The following LMAN1 variants were observed in gnomAD, a reference collection of about 807,000 sequenced individuals.
The protein encoded by LMAN1 is protein ERGIC-53.
A neutral mutation model predicts 67.8 loss-of-function variants in LMAN1; 32 were observed. The observed-to-expected ratio is 0.47, with a 90% confidence interval of 0.36 to 0.63. The LOEUF is 0.63. Ranked by LOEUF, LMAN1 falls within the 30% of genes least tolerant of loss-of-function variation. The pLI is 0.00. For missense variants in LMAN1, 632 were observed against 628.2 expected (o/e 1.01, Z -0.06); for synonymous variants, 235 against 219.3 (o/e 1.07, Z -0.63).
At chr18:59,346,281 C>T (rs181234192) in intron 7 of LMAN1, among the ~76,000 whole-genome samples, 206 of 130,884 alleles carry the variant, frequency 1.6e-3, no homozygotes, top group African/African-American at 5.6e-3. Context: ...AGTGCAGTAG[C>T]GTGATCTCGG....
chr18:59,341,529 A>C (rs907106121), intron 8 of LMAN1, among the ~76,000 whole-genome samples: 2 of 152,210 alleles, frequency 1.3e-5, no homozygotes, highest in African/African-American at 4.8e-5. Flanking sequence ...ATGAATCTAG[A>C]AATCAATACT....
intron 4 of LMAN1, among the ~76,000 whole-genome samples, chr18:59,353,641 C>T (rs1908594956): frequency 6.6e-6 from 1 of 152,130 alleles, no homozygotes; most frequent in African/African-American, 2.4e-5. Context: ...AAACAGTAAA[C>T]AGGCACATGG....
intron 6 of LMAN1, 39 bp from the exon 7 acceptor site, chr18:59,347,610 A>G: frequency 1.5e-6 from 2 of 1,294,700 alleles, no homozygotes; most frequent in Non-Finnish European, 2.2e-6. Flanking sequence ...AAAGTTCCAT[A>G]GGAGATTACT....
rs772400644 is a variant in LMAN1 at position 59,359,055 on chromosome 18, C to T, written c.190G>A (p.Val64Met). 1.5e-5 allele frequency: 25 copies of T among 1,613,990 alleles called. No homozygotes were observed. Among genetic ancestry groups the T allele is most frequent in the Non-Finnish European group, 2.0e-5 (24 of 1,179,962 alleles). Residue 64 changes from valine (V) to methionine (M), a missense_variant, in exon 1 of 13, where the codon GTG (valine) becomes ATG (methionine). Coordinates refer to ENST00000251047, the MANE Select transcript of LMAN1 (RefSeq NM_005570.4). ...CTCCCCGCGTGGGCCCAGAAGGGCA[C>T]GGTCCCGTCGCTCTGCACCAGGTGC... is the stretch of plus-strand genomic sequence containing the variant. ...GPHLVQSDGT[V>M]PFWAHAGNAI...
At chr18:59,331,271 TTA>T in intron 12 of LMAN1, 142 bp from the exon 13 acceptor site, 1 of 1,056,548 alleles carries the variant, frequency 9.5e-7, no homozygotes, top group Non-Finnish European at 1.4e-6. Context: ...CACGTGCACT[TTA>T]TGTGAACTGA....
chr18:59,349,103 C>G lies in LMAN1; in HGVS notation c.763+10G>C. Reference sequence around the variant, plus strand: ...ACAAACTTTTAATATCATCAGACTGCAAGATTTACCTGCAAGACCTCCAGT... The same window carrying G: ...ACAAACTTTTAATATCATCAGACTGGAAGATTTACCTGCAAGACCTCCAGT... On this transcript the variant is annotated intron_variant, in intron 6 of 12. Coordinates refer to ENST00000251047, the MANE Select transcript of LMAN1 (RefSeq NM_005570.4). 6.2e-7 allele frequency: 1 copy of G among 1,613,984 alleles called. No homozygotes were observed. Among genetic ancestry groups the G allele is most frequent in the Non-Finnish European group, 8.5e-7 (1 of 1,179,886 alleles).
At chr18:59,358,470 TAAAA>T (rs1480917964) in intron 1 of LMAN1, among the ~76,000 whole-genome samples, 1 of 151,554 alleles carries the variant, frequency 6.6e-6, no homozygotes, top group African/African-American at 2.4e-5. Flanking sequence ...TACAAAGACT[TAAAA>T]AATTACTCTA....
intron 5 of LMAN1, among the ~76,000 whole-genome samples, chr18:59,352,291 A>G (rs2144229712): frequency 6.6e-6 from 1 of 152,274 alleles, no homozygotes; most frequent in African/African-American, 2.4e-5. Context: ...TAGCTGTCCA[A>G]TTGGCTATAT....
rs373151972 is a variant in LMAN1 at position 59,357,822 on chromosome 18, T to C, written c.214+1209A>G. ...ATAAAAACCTTATATAAAAGATTAC[T>C]TATGGGGGAGGTGGGAGGGATAGCA... On this transcript the variant is annotated intron_variant, in intron 1 of 12. Coordinates refer to ENST00000251047, the MANE Select transcript of LMAN1 (RefSeq NM_005570.4). Among the ~76,000 whole-genome samples the C allele has an allele frequency of 3.3e-5, 5 of 152,010 alleles. 1 individual carries two copies. Among genetic ancestry groups the C allele is most frequent in the African/African-American group, 1.2e-4 (5 of 41,506 alleles).
intron 5 of LMAN1, chr18:59,352,542 C>G (rs750525147): frequency 1.3e-5 from 2 of 153,934 alleles, no homozygotes; most frequent in Non-Finnish European, 2.9e-5. Flanking sequence ...CCCAGCCACA[C>G]CAAACTACAT....
chr18:59,349,365 T>C (rs1908491532), intron 5 of LMAN1, 129 bp from the exon 6 acceptor site: 1 of 856,882 alleles, frequency 1.2e-6, no homozygotes, highest in Non-Finnish European at 1.9e-6. Context: ...TAACGTTTCC[T>C]ACTTGGTGTC....
chr18:59,343,350 C>G (rs987133257), intron 8 of LMAN1, among the ~76,000 whole-genome samples: 2 of 152,010 alleles, frequency 1.3e-5, no homozygotes, highest in African/African-American at 4.8e-5. Context: ...CAAAGCAATG[C>G]TAAGCAAAAG....
chr18:59,338,723 G>A lies in LMAN1; in HGVS notation c.1149+37C>T, dbSNP rs41358147. The A allele has an allele frequency of 3.1e-6, 5 of 1,610,960 alleles. No individual in the cohort carries two copies. In the African/African-American group the frequency reaches 6.7e-5, roughly 22 times the overall value. Reference sequence around the variant, plus strand: ...CTTCTTTACTTCCCTTCCAGCAAAGGGTAAATGGGGCACATCTGCATATTC... The same window carrying A: ...CTTCTTTACTTCCCTTCCAGCAAAGAGTAAATGGGGCACATCTGCATATTC... On this transcript the variant is annotated intron_variant, in intron 9 of 12. Transcript: ENST00000251047.
chr18:59,338,522 C>A, intron 10 of LMAN1, 35 bp downstream of exon 10: 1 of 1,561,616 alleles, frequency 6.4e-7, no homozygotes, highest in South Asian at 1.1e-5. Context: ...TAAAAAAAAT[C>A]ACATAACACA....
At chr18:59,356,106 C>A (rs1052164599) in intron 1 of LMAN1, among the ~76,000 whole-genome samples, 1 of 152,172 alleles carries the variant, frequency 6.6e-6, no homozygotes, top group African/African-American at 2.4e-5. Context: ...GCAAATAATT[C>A]TCTTATTCTC....
chr18:59,335,726 G>C (rs1274832306), intron 10 of LMAN1, among the ~76,000 whole-genome samples: 1 of 152,110 alleles, frequency 6.6e-6, no homozygotes, highest in East Asian at 1.9e-4. Flanking sequence ...TCCTAAATGA[G>C]TAATATCAGC....
chr18:59,355,624 T>G lies in LMAN1; in HGVS notation c.249A>C (p.Ala83=), dbSNP rs764368056. The change falls in exon 2 of 13, where the codon GCA becomes GCC. Residue 83 remains alanine, a synonymous_variant. Transcript: ENST00000251047. ...AGCCTCTTTGGCTTTTTAAAGATGG[T>G]GCTACTCGAATTTGATCTGAACTTG... ...AIPSSDQIRV[A]PSLKSQRGSV... is the part of the protein sequence containing the mutation. 6.2e-7 allele frequency: 1 copy of G among 1,614,058 alleles called. No individual in the cohort carries two copies. Among genetic ancestry groups the G allele is most frequent in the East Asian group, 2.2e-5 (1 of 44,878 alleles).
Position 59,348,619 on chromosome 18 carries a change from GA to G in LMAN1, c.763+493del, listed in dbSNP as rs772759780. Among the ~76,000 whole-genome samples the G allele has an allele frequency of 2.0e-5, 3 of 152,040 alleles. No homozygotes were observed. In the East Asian group the frequency reaches 5.8e-4, roughly 29 times the overall value. On this transcript the variant is annotated intron_variant, in intron 6 of 12. Transcript: ENST00000251047. ...GAATGGTAATTTATCACCTTATGTGGAAAAAAATGGTAACTATGGTTTTGTT... is the reference window on the plus strand; with the variant it reads ...GAATGGTAATTTATCACCTTATGTGGAAAAAATGGTAACTATGGTTTTGTT...
Position 59,338,904 on chromosome 18 carries a change from A to C in LMAN1, c.1005T>G (p.Phe335Leu), listed in dbSNP as rs748302210. The C allele has an allele frequency of 8.1e-6, 13 of 1,613,714 alleles. No individual in the cohort carries two copies. The highest frequency in any genetic ancestry group is 1.1e-5 in the Non-Finnish European group (13 of 1,179,930). Reference sequence around the variant, plus strand: ...CAAGATGAATACGATTCTGTCCTTCAAAGACTTGTCTTAGCTCTCGATCTC... The same window carrying C: ...CAAGATGAATACGATTCTGTCCTTCCAAGACTTGTCTTAGCTCTCGATCTC... ...SVGDRELRQV[F>L]EGQNRIHLEI... The change falls in exon 9 of 13, where the codon TTT (phenylalanine) becomes TTG (leucine). Residue 335 changes from phenylalanine to leucine, a missense_variant. Phe to Leu is a conservative substitution (Grantham distance 22). Coordinates refer to ENST00000251047, the MANE Select transcript of LMAN1 (RefSeq NM_005570.4).
Sources: gnomAD v4.1 joint callset for allele counts (sites outside exome capture counted in the v4.1 genomes callset) on GRCh38, gnomAD v4.1.1 for gene constraint, MANE v1.5 for transcripts, NCBI Gene and HGNC (gene_info 2026-07-23, HGNC 2026-07-21) for gene names.